KLHL28: variants seen among roughly 807,000 people sequenced by gnomAD.
KLHL28 encodes kelch-like protein 28.
In KLHL28, 22 loss-of-function variants were observed where a neutral mutation model predicts 48.3. The ratio of observed to expected loss-of-function variants is 0.46; its 90% confidence interval spans 0.33 to 0.65. The LOEUF is 0.65. Among genes scored for constraint, KLHL28 ranks in the 30% least tolerant of loss-of-function variants. The pLI is 0.03. For missense variants in KLHL28, 527 were observed against 704.3 expected (o/e 0.75, Z 2.85); for synonymous variants, 243 against 242.4 (o/e 1.00, Z -0.02).
At chr14:44,961,008 A>G in intron 1 of KLHL28, 1 of 815,308 alleles carries the variant, frequency 1.2e-6, no homozygotes, top group East Asian at 2.7e-5. Context: ...TCAAAAAAAA[A>G]AAATATCTCT....
At chr14:44,929,640 G>A (rs1044010513) in intron 4 of KLHL28, among the ~76,000 whole-genome samples, 3 of 152,080 alleles carry the variant, frequency 2.0e-5, no homozygotes, top group Non-Finnish European at 4.4e-5. Flanking sequence ...TATCTCCTGT[G>A]GGTATGGGGG....
intron 3 of KLHL28, 52 bp from the exon 4 acceptor site, chr14:44,931,593 C>T: frequency 7.0e-7 from 1 of 1,424,810 alleles, no homozygotes. Context: ...GTCATTCTTC[C>T]TGTCAAAGCA....
intron 1 of KLHL28, among the ~76,000 whole-genome samples, chr14:44,955,961 C>T (rs1019311499): frequency 6.6e-6 from 1 of 152,176 alleles, no homozygotes; most frequent in Non-Finnish European, 1.5e-5. Flanking sequence ...ATTTTAAATG[C>T]ATGAGTTAAT....
intron 3 of KLHL28, 27 bp downstream of exon 3, chr14:44,934,088 A>G (rs1279900573): frequency 6.6e-7 from 1 of 1,510,642 alleles, no homozygotes; most frequent in South Asian, 1.2e-5. Flanking sequence ...CCATAAACAT[A>G]TGCAATTTAA....
chr14:44,925,944 T>C lies in KLHL28; in HGVS notation c.*3084A>G, dbSNP rs550543821. On this transcript the variant is annotated 3_prime_UTR_variant, in exon 5 of 5. Coordinates refer to ENST00000396128, the MANE Select transcript of KLHL28 (RefSeq NM_017658.5). ...GATTACATTAATTTCTATTTCCCAG[T>C]GCTGCTCTTTTCCAAAATATTTCTG... The C allele has an allele frequency of 6.6e-6, 1 of 152,322 alleles. No individual in the cohort carries two copies. The highest frequency in any genetic ancestry group is 2.1e-4 in the South Asian group (1 of 4,832). 9.4% of individuals were successfully genotyped at this position (152,322 alleles called of 1,614,324 possible).
In KLHL28 at chr14:44,945,720, T is replaced by C. The variant is rs1884304779; in HGVS notation, c.209A>G (p.Glu70Gly). Residue 70 changes from glutamate (E) to glycine (G), a missense_variant, in exon 2 of 5, where the codon GAA becomes GGA. Glu to Gly is a moderately conservative substitution (Grantham distance 98). Transcript: ENST00000396128. The stretch of plus-strand genomic sequence containing the variant: ...AAACTCAACCTCACTGTTCTCTTTT[T>C]CAGAAAGGTTTCCAGTGAACATAGC... Reference protein sequence around the residue: ...FKAMFTGNLSEKENSEVEFQC... With the variant: ...FKAMFTGNLSGKENSEVEFQC... The C allele has an allele frequency of 6.2e-7, 1 of 1,614,024 alleles. No individual in the cohort carries two copies. Among genetic ancestry groups the C allele is most frequent in the Admixed American group, 1.7e-5 (1 of 59,990 alleles).
Position 44,925,579 on chromosome 14 carries a change from C to T in KLHL28, c.*3449G>A, listed in dbSNP as rs1244342897. ...AAAATAGTTATTAGGGTCTCTCCCA[C>T]TATATTTTACTCTCTTTGAGTGAAA... On this transcript the variant is annotated 3_prime_UTR_variant, in exon 5 of 5. Coordinates refer to ENST00000396128, the MANE Select transcript of KLHL28 (RefSeq NM_017658.5). 1 of 152,096 alleles carries T rather than the reference C, an allele frequency of 6.6e-6. No homozygotes were observed. The highest frequency in any genetic ancestry group is 1.5e-5 in the Non-Finnish European group (1 of 67,960). The allele number at this position is 152,096 out of a possible 1,614,324, so 9.4% of individuals were successfully genotyped here. A position where few individuals can be genotyped will look rare whatever the true frequency, so the allele number is the denominator to read the frequency against.
intron 2 of KLHL28, among the ~76,000 whole-genome samples, chr14:44,941,746 G>A (rs73334165): frequency 0.1 from 15,517 of 151,890 alleles, 1,101 homozygotes; most frequent in African/African-American, 0.2. Flanking sequence ...TCTTTCCAGT[G>A]CATTTTACAT....
chr14:44,928,139 T>G lies in KLHL28; in HGVS notation c.*889A>C, dbSNP rs1248234805. On this transcript the variant is annotated 3_prime_UTR_variant, in exon 5 of 5. Transcript: ENST00000396128. ...TCTGAACACTTTGAAAAAGCAAAGA[T>G]CTTAAAAAACTAAAATTATAAGGAT... 3 of 152,492 alleles carry G rather than the reference T, an allele frequency of 2.0e-5. No homozygotes were observed. Among genetic ancestry groups the G allele is most frequent in the African/African-American group, 4.8e-5 (2 of 41,424 alleles). The allele number at this position is 152,492 out of a possible 1,614,324, so 9.4% of individuals were successfully genotyped here.
Position 44,925,365 on chromosome 14 carries a change from A to G in KLHL28, c.*3663T>C, listed in dbSNP as rs112859592. On this transcript the variant is annotated 3_prime_UTR_variant, in exon 5 of 5. Coordinates refer to ENST00000396128, the MANE Select transcript of KLHL28 (RefSeq NM_017658.5). ...AAATATATATATTTAAAATTTCTAT[A>G]GTTTTCTTACTAGAAAATACATTAT... 3.0e-3 allele frequency: 456 copies of G among 152,272 alleles called. 3 individuals are homozygous for G. Among genetic ancestry groups the G allele is most frequent in the African/African-American group, 9.5e-3 (396 of 41,580 alleles). 9.4% of individuals were successfully genotyped at this position (152,272 alleles called of 1,614,324 possible). A position where few individuals can be genotyped will look rare whatever the true frequency, so the allele number is the denominator to read the frequency against.
chr14:44,943,486 C>T (rs1010245820), intron 2 of KLHL28, among the ~76,000 whole-genome samples: 4 of 151,920 alleles, frequency 2.6e-5, no homozygotes, highest in African/African-American at 4.8e-5. Context: ...GGTGAAACCC[C>T]GTTTCTACTA....
At chr14:44,958,156 T>A (rs1425453629) in intron 1 of KLHL28, among the ~76,000 whole-genome samples, 1 of 151,386 alleles carries the variant, frequency 6.6e-6, no homozygotes, top group Non-Finnish European at 1.5e-5. Flanking sequence ...GAATAAAAAG[T>A]ATCCATTTGA....
rs546935178 is a variant in KLHL28, at chr14:44,946,972, A to G, written c.1-1044T>C. ...AAGAAAAGGGATGAGAAAGAAAAGA[A>G]AGTGGAGAGACAATAAAGACTATGG... On this transcript the variant is annotated intron_variant, in intron 1 of 4. Coordinates refer to ENST00000396128, the MANE Select transcript of KLHL28 (RefSeq NM_017658.5). Among the ~76,000 whole-genome samples the G allele has an allele frequency of 2.0e-5, 3 of 152,346 alleles. No homozygotes were observed. In the East Asian group the frequency reaches 5.8e-4, roughly 29 times the overall value.
intron 1 of KLHL28, among the ~76,000 whole-genome samples, chr14:44,948,944 T>A (rs1253559614): frequency 6.6e-6 from 1 of 152,092 alleles, no homozygotes; most frequent in African/African-American, 2.4e-5. Context: ...TCAACTCTCA[T>A]TTTCTGATTT....
chr14:44,957,775 T>G (rs1361183635), intron 1 of KLHL28, among the ~76,000 whole-genome samples: 1 of 152,170 alleles, frequency 6.6e-6, no homozygotes, highest in Non-Finnish European at 1.5e-5. Flanking sequence ...CTTGGCACTC[T>G]GTCTATGTAA....
Position 44,945,831 on chromosome 14 carries a change from T to A in KLHL28, c.98A>T (p.Glu33Val). The change falls in exon 2 of 5, where the codon GAA becomes GTA. Residue 33 changes from glutamate to valine, a missense_variant. Physicochemically the swap from Glu to Val is moderately radical, Grantham distance 121 (BLOSUM62 -2). Coordinates refer to ENST00000396128, the MANE Select transcript of KLHL28 (RefSeq NM_017658.5). ...TACTCGAAGAATGATGTCACAGAGT[T>A]CGTGATGTTGGCGAAGAAGATTCAA... ...QGLNLLRQHH[E>V]LCDIILRVGD... The A allele has an allele frequency of 6.2e-7, 1 of 1,614,138 alleles. No individual in the cohort carries two copies. Among genetic ancestry groups the A allele is most frequent in the Non-Finnish European group, 8.5e-7 (1 of 1,180,004 alleles).
At chr14:44,941,648 A>G (rs1021920661) in intron 2 of KLHL28, among the ~76,000 whole-genome samples, 4 of 151,736 alleles carry the variant, frequency 2.6e-5, no homozygotes, top group African/African-American at 9.7e-5. Context: ...AAAAAAAAGA[A>G]AAAGAAAAAG....
Position 44,928,766 on chromosome 14 carries a change from G to T in KLHL28, c.*262C>A. The T allele has an allele frequency of 3.6e-6, 1 of 277,112 alleles. No homozygotes were observed. The highest frequency in any genetic ancestry group is 2.2e-5 in the African/African-American group (1 of 44,546). The allele number at this position is 277,112 out of a possible 1,614,324, so 17.2% of individuals were successfully genotyped here. ...ATAAAACTAGTACATCTCAGTCTTGGGGGAAAAAGTGCAGAATTCAATTGG... is the reference window on the plus strand; with the variant it reads ...ATAAAACTAGTACATCTCAGTCTTGTGGGAAAAAGTGCAGAATTCAATTGG... On this transcript the variant is annotated 3_prime_UTR_variant, in exon 5 of 5. Coordinates refer to ENST00000396128, the MANE Select transcript of KLHL28 (RefSeq NM_017658.5).
intron 2 of KLHL28, among the ~76,000 whole-genome samples, chr14:44,938,632 A>C (rs1415332643): frequency 6.6e-6 from 1 of 152,196 alleles, no homozygotes; most frequent in Non-Finnish European, 1.5e-5. Context: ...GGCCTCCCAA[A>C]GTGCTGAGAT....
Sources: allele counts gnomAD v4.1 joint callset (sites outside exome capture counted in the v4.1 genomes callset), GRCh38; gene constraint gnomAD v4.1.1; transcripts MANE v1.5; gene names NCBI Gene and HGNC (gene_info 2026-07-23, HGNC 2026-07-21).